Variants in COL14A1 observed in about 807,000 individuals in gnomAD.
COL14A1 encodes collagen type XIV alpha 1 chain, also known as collagen alpha-1(XIV) chain.
In COL14A1, 136 loss-of-function variants were observed where a neutral mutation model predicts 230.3. That is an observed-to-expected ratio of 0.59 (90% CI 0.51 to 0.68). COL14A1 has a LOEUF of 0.68. COL14A1 is among the 30% of genes least tolerant of loss of function. The pLI is 0.00. For missense variants in COL14A1, 1,976 were observed against 2,215.8 expected, an observed-to-expected ratio of 0.89 and a Z score of 2.17; for synonymous variants, 792 against 784.1, an observed-to-expected ratio of 1.01 and a Z score of -0.17.
chr8:120,361,578 A>G (rs529761063), intron 45 of COL14A1, among the ~76,000 whole-genome samples: 2 of 152,358 alleles, frequency 1.3e-5, no homozygotes, highest in East Asian at 1.9e-4. Context: ...AACAGACTGT[A>G]CTTGCAATCC....
intron 23 of COL14A1, among the ~76,000 whole-genome samples, chr8:120,261,719 A>T (rs933658414): frequency 6.6e-6 from 1 of 152,124 alleles, no homozygotes; most frequent in African/African-American, 2.4e-5. Context: ...CTTGGTAGAT[A>T]AAAAAAGAAC....
In COL14A1 at chr8:120,367,262, C is replaced by G. The variant is rs1211657132; in HGVS notation, c.5155+14C>G. The G allele has an allele frequency of 5.0e-6, 8 of 1,595,682 alleles. No individual in the cohort carries two copies. The highest frequency in any genetic ancestry group is 4.1e-5 in the African/African-American group (3 of 74,016). ...CTGGACCAGCAGGTAAATCTTCCTTCCTAACAAGAGACTGCAAATGTATAT... is the reference window on the plus strand; with the variant it reads ...CTGGACCAGCAGGTAAATCTTCCTTGCTAACAAGAGACTGCAAATGTATAT... On this transcript the variant is annotated intron_variant, in intron 46 of 47. Coordinates refer to ENST00000297848, the MANE Select transcript of COL14A1 (RefSeq NM_021110.4).
At chr8:120,242,227 G>T (rs1818626910) in intron 19 of COL14A1, among the ~76,000 whole-genome samples, 1 of 152,108 alleles carries the variant, frequency 6.6e-6, no homozygotes, top group Non-Finnish European at 1.5e-5. Flanking sequence ...TCTGATAAGG[G>T]TTACTCAATC....
chr8:120,147,293 G>A (rs1465792869), intron 1 of COL14A1, among the ~76,000 whole-genome samples: 1 of 152,078 alleles, frequency 6.6e-6, no homozygotes, highest in Non-Finnish European at 1.5e-5. Context: ...AAGATGAAAG[G>A]ATTAGGGGTT....
At chr8:120,325,843 A>G (rs1244894365) in intron 40 of COL14A1, among the ~76,000 whole-genome samples, 1 of 152,088 alleles carries the variant, frequency 6.6e-6, no homozygotes. Flanking sequence ...CACATCTTAG[A>G]TTAGCTCCTT....
chr8:120,231,194 A>G (rs1358359331), intron 18 of COL14A1, among the ~76,000 whole-genome samples: 1 of 152,120 alleles, frequency 6.6e-6, no homozygotes. Flanking sequence ...GCTTCTTCCC[A>G]GTTCTCTTTA....
chr8:120,260,218 A>G (rs990200811), intron 23 of COL14A1, among the ~76,000 whole-genome samples: 11 of 152,238 alleles, frequency 7.2e-5, no homozygotes, highest in African/African-American at 2.6e-4. Flanking sequence ...TATATTTTTA[A>G]AAGTCTATAT....
At chr8:120,334,107 T>C (rs1292076940) in intron 42 of COL14A1, among the ~76,000 whole-genome samples, 1 of 152,196 alleles carries the variant, frequency 6.6e-6, no homozygotes, top group African/African-American at 2.4e-5. Flanking sequence ...GAAATGTTGG[T>C]TCTCATTCAG....
intron 33 of COL14A1, 41 bp downstream of exon 33, chr8:120,286,011 G>T: frequency 8.6e-7 from 1 of 1,157,058 alleles, no homozygotes; most frequent in South Asian, 1.3e-5. Context: ...TATTCTATTT[G>T]CTATTGAACA....
intron 41 of COL14A1, among the ~76,000 whole-genome samples, 194 bp from the exon 42 acceptor site, chr8:120,332,470 C>T (rs1170278215): frequency 1.3e-5 from 2 of 152,120 alleles, no homozygotes; most frequent in African/African-American, 4.8e-5. Context: ...AAGAACCACA[C>T]CTGATATATA....
chr8:120,292,436 A>G lies in COL14A1; in HGVS notation c.4236+2670A>G, dbSNP rs76789381. Among the ~76,000 whole-genome samples the G allele has an allele frequency of 9.2e-5, 14 of 152,276 alleles. No homozygotes were observed. In the East Asian group the frequency reaches 2.5e-3, roughly 27 times the overall value. On this transcript the variant is annotated intron_variant, in intron 34 of 47. Coordinates refer to ENST00000297848, the MANE Select transcript of COL14A1 (RefSeq NM_021110.4). The stretch of plus-strand genomic sequence containing the variant: ...TGAATCTAGAAGTCTACAAAGGATT[A>G]CTAACTAGATTTTCAGTCTGCCCAC...
intron 1 of COL14A1, among the ~76,000 whole-genome samples, chr8:120,146,436 AC>A (rs2130458772): frequency 7.1e-6 from 1 of 140,438 alleles, no homozygotes; most frequent in Admixed American, 7.1e-5. Context: ...ACTATACCTT[AC>A]TATAGTAAGG....
Position 120,227,255 on chromosome 8 carries a change from T to C in COL14A1, c.2040T>C (p.Ile680=). ...VLKEEQDSHV[I]EGLEPGTEYE... The stretch of plus-strand genomic sequence containing the variant: ...AAGAAGAGCAGGACTCACATGTTAT[T>C]GAAGGCCTGGAGCCCGGTACGGAGT... Residue 680 remains isoleucine (I), a synonymous_variant, in exon 17 of 48, where the codon ATT becomes ATC. Transcript: ENST00000297848. 6.2e-7 allele frequency: 1 copy of C among 1,614,074 alleles called. No individual in the cohort carries two copies. Among genetic ancestry groups the C allele is most frequent in the South Asian group, 1.1e-5 (1 of 91,074 alleles).
chr8:120,347,243 G>A (rs1822551143), intron 45 of COL14A1, among the ~76,000 whole-genome samples: 1 of 152,088 alleles, frequency 6.6e-6, no homozygotes, highest in African/African-American at 2.4e-5. Context: ...ATTCTCAAAG[G>A]GCAGCCCAGA....
intron 10 of COL14A1, 87 bp from the exon 11 acceptor site, chr8:120,208,145 T>C: frequency 7.7e-7 from 1 of 1,304,476 alleles, no homozygotes; most frequent in Admixed American, 2.2e-5. Context: ...AATGAAATAT[T>C]TTTGCTGGAC....
intron 1 of COL14A1, among the ~76,000 whole-genome samples, chr8:120,128,463 T>C (rs935807887): frequency 6.6e-6 from 1 of 152,106 alleles, no homozygotes; most frequent in Admixed American, 6.6e-5. Flanking sequence ...AAAGTCTATA[T>C]GGGGCCAGGC....
At chr8:120,300,585 T>G in intron 35 of COL14A1, 147 bp from the exon 36 acceptor site, 1 of 655,222 alleles carries the variant, frequency 1.5e-6, no homozygotes, top group Non-Finnish European at 2.7e-6. Context: ...AGAAAAGATT[T>G]TGTAATCAGG....
At chr8:120,330,720 A>G (rs910341561) in intron 40 of COL14A1, among the ~76,000 whole-genome samples, 5 of 152,090 alleles carry the variant, frequency 3.3e-5, no homozygotes, top group African/African-American at 1.2e-4. Flanking sequence ...CCCAACTCAC[A>G]CACCGTTTCC....
rs571641137 is a variant in COL14A1, at chr8:120,325,013, G to A, written c.4660-7128G>A. On this transcript the variant is annotated intron_variant, in intron 40 of 47. Coordinates refer to ENST00000297848, the MANE Select transcript of COL14A1 (RefSeq NM_021110.4). ...GTTCTATAGTATGGAAAAGAAAACT[G>A]CAAAAATGGAAGTTAAGAAATGTTT... Among the ~76,000 whole-genome samples the A allele has an allele frequency of 3.3e-5, 5 of 152,008 alleles. No individual in the cohort carries two copies. In the East Asian group the frequency reaches 9.7e-4, roughly 29 times the overall value.
Sources: allele counts gnomAD v4.1 joint callset (sites outside exome capture counted in the v4.1 genomes callset), GRCh38; gene constraint gnomAD v4.1.1; transcripts MANE v1.5; gene names NCBI Gene and HGNC (gene_info 2026-07-23, HGNC 2026-07-21).